Variants in ARAP2 observed in about 807,000 individuals in gnomAD.
The protein encoded by ARAP2 is ArfGAP with RhoGAP domain, ankyrin repeat and PH domain 2, also known as arf-GAP with Rho-GAP domain, ANK repeat and PH domain-containing protein 2.
In ARAP2, 148 loss-of-function variants were observed where a neutral mutation model predicts 194.5. The ratio of observed to expected loss-of-function variants is 0.76; its 90% CI spans 0.67 to 0.87. The LOEUF is 0.87. Among genes scored for constraint, ARAP2 ranks in the 40% least tolerant of loss-of-function variants. The probability of loss-of-function intolerance (pLI) is 0.00; values close to 1 mark genes in which losing one functional copy is unlikely to be tolerated. For synonymous variants in ARAP2, 695 were observed against 683.5 expected, an observed-to-expected ratio of 1.02 and a Z score of -0.26; for missense variants, 2,128 against 1,989.7, an observed-to-expected ratio of 1.07 and a Z score of -1.32.
intron 19 of ARAP2, among the ~76,000 whole-genome samples, chr4:36,135,155 T>C (rs1726380681): frequency 6.6e-6 from 1 of 151,740 alleles, no homozygotes; most frequent in Non-Finnish European, 1.5e-5. Context: ...AGTAAAACGA[T>C]ATAATCTTGA....
At chr4:36,205,041 AT>A (rs1745253835) in intron 6 of ARAP2, among the ~76,000 whole-genome samples, 2 of 149,652 alleles carry the variant, frequency 1.3e-5, no homozygotes, top group African/African-American at 4.9e-5. Flanking sequence ...AAACAAAAAA[AT>A]CAACAATTAT....
At chr4:36,095,614 C>A (rs1714951366) in intron 27 of ARAP2, among the ~76,000 whole-genome samples, 1 of 152,112 alleles carries the variant, frequency 6.6e-6, no homozygotes, top group Non-Finnish European at 1.5e-5. Context: ...AATTGTATTT[C>A]ATGGGCAAAA....
chr4:36,161,571 C>T lies in ARAP2; in HGVS notation c.2174-21G>A, dbSNP rs776629644. The T allele has an allele frequency of 1.5e-5, 23 of 1,567,048 alleles. No individual in the cohort carries two copies. In the South Asian group the frequency reaches 2.1e-4, roughly 14 times the overall value. ...CTGTCCTAGAGTCAAAACACAATTG[C>T]ATTTCTATTTTAATTTGTATGTAAA... On this transcript the variant is annotated intron_variant, in intron 11 of 32. Transcript: ENST00000303965.
intron 28 of ARAP2, among the ~76,000 whole-genome samples, chr4:36,088,805 C>T (rs1019514318): frequency 2.6e-5 from 4 of 152,084 alleles, no homozygotes; most frequent in African/African-American, 9.7e-5. Flanking sequence ...TGGAAAGCTG[C>T]CTAACAATTC....
chr4:36,164,184 T>C (rs1734753318), intron 11 of ARAP2, among the ~76,000 whole-genome samples: 1 of 152,146 alleles, frequency 6.6e-6, no homozygotes, highest in South Asian at 2.1e-4. Context: ...TCTGTCTCTC[T>C]CATCTGTGTT....
At chr4:36,191,769 C>T (rs1351979364) in intron 7 of ARAP2, among the ~76,000 whole-genome samples, 2 of 151,954 alleles carry the variant, frequency 1.3e-5, no homozygotes, top group Non-Finnish European at 2.9e-5. Flanking sequence ...CAATTTGAGA[C>T]AATGAAACGA....
intron 21 of ARAP2, among the ~76,000 whole-genome samples, chr4:36,125,718 G>A (rs962884081): frequency 2.0e-5 from 3 of 151,928 alleles, no homozygotes; most frequent in Admixed American, 1.3e-4. Context: ...AACCCCCAAA[G>A]ATCTAAACTC....
intron 6 of ARAP2, among the ~76,000 whole-genome samples, chr4:36,205,557 C>A (rs937389706): frequency 1.3e-4 from 19 of 151,160 alleles, no homozygotes; most frequent in Non-Finnish European, 1.5e-5. Context: ...GACTAGGACT[C>A]ACAGTAACAT....
rs1343800450 is a variant in ARAP2 at position 36,229,586 on chromosome 4, T to C, written c.-100A>G. Reference sequence around the variant, plus strand: ...CTACTGGCTTTTCCTCTATCAATTGTGACAGAAAAGTTTCTTAAAATGTTA... The same window carrying C: ...CTACTGGCTTTTCCTCTATCAATTGCGACAGAAAAGTTTCTTAAAATGTTA... On this transcript the variant is annotated 5_prime_UTR_variant, in exon 2 of 33. Transcript: ENST00000303965. The C allele has an allele frequency of 1.2e-5, 11 of 926,384 alleles. No homozygotes were observed. The highest frequency in any genetic ancestry group is 1.7e-5 in the Non-Finnish European group (11 of 632,954). The allele number at this position is 926,384 out of a possible 1,614,324, so 57.4% of individuals were successfully genotyped here.
At chr4:36,173,504 A>C (rs1427003783) in intron 9 of ARAP2, among the ~76,000 whole-genome samples, 1 of 152,168 alleles carries the variant, frequency 6.6e-6, no homozygotes, top group African/African-American at 2.4e-5. Flanking sequence ...CTGCAAAACA[A>C]AAAGGAACCG....
At chr4:36,194,580 T>C (rs954152403) in intron 6 of ARAP2, among the ~76,000 whole-genome samples, 4 of 152,148 alleles carry the variant, frequency 2.6e-5, no homozygotes, top group African/African-American at 4.8e-5. Flanking sequence ...CAGAAGACAA[T>C]AGAAAAAGAA....
rs201174706 is a variant in ARAP2, at chr4:36,080,228, G to A, written c.4596C>T (p.Ile1532=). 2 of 1,613,008 alleles carry A rather than the reference G, an allele frequency of 1.2e-6. No individual in the cohort carries two copies. The highest frequency in any genetic ancestry group is 1.7e-6 in the Non-Finnish European group (2 of 1,179,316). Residue 1532 remains isoleucine (I), a synonymous_variant, in exon 31 of 33, where the codon ATC becomes ATT. Transcript: ENST00000303965. ...ACAAATCTCGTACCTGGGCAATAAA[G>A]ATACTGGTCATCCACTCCGTCTGAG... The part of the protein sequence containing the change: ...SRTQTEWMTS[I]FIAQHEYDIW...
chr4:36,238,335 T>C (rs1752824381), intron 1 of ARAP2, among the ~76,000 whole-genome samples: 1 of 152,212 alleles, frequency 6.6e-6, no homozygotes, highest in Non-Finnish European at 1.5e-5. Flanking sequence ...AAACCATTTT[T>C]GTAGGACCTC....
intron 25 of ARAP2, among the ~76,000 whole-genome samples, chr4:36,114,576 AT>A (rs1258259987): frequency 6.6e-6 from 1 of 152,066 alleles, no homozygotes; most frequent in Non-Finnish European, 1.5e-5. Flanking sequence ...TACATTCGGA[AT>A]GACCTTCGCC....
In ARAP2 at chr4:36,022,462, GGAGT is replaced by G. The variant is rs1360517284; in HGVS notation, n.608-3180_608-3177del. On this transcript the variant is annotated intron_variant and non_coding_transcript_variant, in intron 5 of 12. Coordinates refer to the ARAP2 transcript ENST00000503225. ...AGATACTTATGCTTTCAGCGAGCGGGGAGTGAGCAGGCACTCACAGGATGGCAGC... is the reference window on the plus strand; with the variant it reads ...AGATACTTATGCTTTCAGCGAGCGGGGAGCAGGCACTCACAGGATGGCAGC... Among the ~76,000 whole-genome samples the G allele has an allele frequency of 3.3e-5, 5 of 152,244 alleles. No individual in the cohort carries two copies. The East Asian group carries it at 9.7e-4, about 29-fold the overall frequency.
In ARAP2 at chr4:36,124,958, T is replaced by C. The variant is rs941320152; in HGVS notation, c.3650A>G (p.Asp1217Gly). Residue 1217 changes from aspartate (D) to glycine (G), a missense_variant, in exon 22 of 33, where the codon GAT becomes GGT. Coordinates refer to ENST00000303965, the MANE Select transcript of ARAP2 (RefSeq NM_015230.4). ...PYWISALDTQ[D>G]DKERIKKYGA... Reference sequence around the variant, plus strand: ...ATATTTTTTAATTCTTTCCTTGTCATCTTGCGTATCTGAAGGGGAAAAAAA... The same window carrying C: ...ATATTTTTTAATTCTTTCCTTGTCACCTTGCGTATCTGAAGGGGAAAAAAA... 1.9e-5 allele frequency: 30 copies of C among 1,604,046 alleles called. No individual in the cohort carries two copies. Among genetic ancestry groups the C allele is most frequent in the Non-Finnish European group, 2.6e-5 (30 of 1,172,956 alleles).
At chr4:36,159,239 T>C in intron 14 of ARAP2, 92 bp downstream of exon 14, 1 of 1,279,894 alleles carries the variant, frequency 7.8e-7, no homozygotes. Flanking sequence ...ATTCTGATGG[T>C]TTCTCTTATT....
At chr4:36,089,396 TA>T (rs1275628613) in intron 28 of ARAP2, among the ~76,000 whole-genome samples, 4 of 152,150 alleles carry the variant, frequency 2.6e-5, no homozygotes, top group African/African-American at 9.6e-5. Flanking sequence ...CTTTTATGAA[TA>T]AATCTGCTTA....
chr4:36,138,636 C>G (rs1265366228), intron 19 of ARAP2, among the ~76,000 whole-genome samples: 1 of 151,604 alleles, frequency 6.6e-6, no homozygotes, highest in Non-Finnish European at 1.5e-5. Context: ...GGGGTCTCCT[C>G]ACTTTATATC....
Sources: gnomAD v4.1 joint callset for allele counts (sites outside exome capture counted in the v4.1 genomes callset) on GRCh38, gnomAD v4.1.1 for gene constraint, MANE v1.5 for transcripts, NCBI Gene and HGNC (gene_info 2026-07-23, HGNC 2026-07-21) for gene names.